UNC5C: variants seen among roughly 807,000 people sequenced by gnomAD.
UNC5C encodes the protein unc-5 netrin receptor C.
UNC5C carries 47 observed loss-of-function variants against 99.8 expected under a neutral mutation model. The ratio of observed to expected loss-of-function variants is 0.47; its 90% CI spans 0.37 to 0.60. The LOEUF (loss-of-function observed/expected upper bound fraction) is 0.60. Among genes scored for constraint, UNC5C ranks in the 20% least tolerant of loss-of-function variants. The probability of loss-of-function intolerance (pLI) is 0.00; values close to 1 mark genes in which losing one functional copy is unlikely to be tolerated. For missense variants in UNC5C, 1,062 were observed against 1,165.9 expected (o/e 0.91, Z 1.30); for synonymous variants, 487 against 452.2 (o/e 1.08, Z -0.98).
chr4:95,265,204 G>A (rs183199188), intron 4 of UNC5C, among the ~76,000 whole-genome samples: 6 of 152,222 alleles, frequency 3.9e-5, no homozygotes, highest in African/African-American at 1.2e-4. Flanking sequence ...CTCACAAATC[G>A]TTATCTTCAG....
intron 7 of UNC5C, among the ~76,000 whole-genome samples, chr4:95,236,327 G>GC (rs950191899): frequency 6.6e-6 from 1 of 151,418 alleles, no homozygotes; most frequent in African/African-American, 2.4e-5. Context: ...GCAAACTATC[G>GC]CAAGGACAAA....
chr4:95,350,059 A>G (rs1177092031), intron 1 of UNC5C, among the ~76,000 whole-genome samples: 1 of 152,180 alleles, frequency 6.6e-6, no homozygotes, highest in Non-Finnish European at 1.5e-5. Context: ...AAATTGGTCT[A>G]TTAGTCTAGT....
chr4:95,446,048 C>A (rs965773773), intron 1 of UNC5C, among the ~76,000 whole-genome samples: 7 of 151,840 alleles, frequency 4.6e-5, no homozygotes, highest in African/African-American at 1.7e-4. Context: ...TTATAAAGTA[C>A]CTAGAATAAA....
chr4:95,471,012 T>C (rs1276653107), intron 1 of UNC5C, among the ~76,000 whole-genome samples: 2 of 151,960 alleles, frequency 1.3e-5, no homozygotes, highest in African/African-American at 2.4e-5. Flanking sequence ...AATCCAAGGA[T>C]GGAAATCACT....
chr4:95,325,978 T>G lies in UNC5C; in HGVS notation c.346+9432A>C, dbSNP rs1742868365. On this transcript the variant is annotated intron_variant, in intron 2 of 15. Coordinates refer to ENST00000453304, the MANE Select transcript of UNC5C (RefSeq NM_003728.4). ...TGTGTTCAGTAGTTATGGTAAAATT[T>G]AGGGAGACACCAGGCGCAGGGCCAA... Among the ~76,000 whole-genome samples the G allele has an allele frequency of 2.0e-5, 3 of 152,200 alleles. No individual in the cohort carries two copies. In the East Asian group the frequency reaches 5.8e-4, roughly 29 times the overall value.
intron 3 of UNC5C, among the ~76,000 whole-genome samples, chr4:95,289,411 T>C (rs1252329605): frequency 6.6e-6 from 1 of 152,242 alleles, no homozygotes; most frequent in Non-Finnish European, 1.5e-5. Flanking sequence ...TATCTGCTGC[T>C]GGCCAGCTTA....
At chr4:95,371,866 C>T (rs367889093) in intron 1 of UNC5C, among the ~76,000 whole-genome samples, 56 of 152,242 alleles carry the variant, frequency 3.7e-4, no homozygotes, top group African/African-American at 1.3e-3. Context: ...TGCAATAACC[C>T]TTACTAACTT....
intron 1 of UNC5C, among the ~76,000 whole-genome samples, chr4:95,431,239 C>T (rs1746627460): frequency 6.6e-6 from 1 of 152,072 alleles, no homozygotes; most frequent in South Asian, 2.1e-4. Context: ...TGCTCACCCC[C>T]ATACCACTCT....
At chr4:95,258,743 A>ACTCTTTTTTTTTTTTTTTTTTT (rs1184674099) in intron 4 of UNC5C, among the ~76,000 whole-genome samples, 2 of 85,868 alleles carry the variant, frequency 2.3e-5, no homozygotes, top group African/African-American at 3.8e-5. Flanking sequence ...CGACCATCTT[A>ACTCTTTTTTTTTTTTTTTTTTT]TTCTTTTTTT....
At chr4:95,312,525 C>A (rs1047378698) in intron 2 of UNC5C, among the ~76,000 whole-genome samples, 9 of 152,114 alleles carry the variant, frequency 5.9e-5, no homozygotes, top group African/African-American at 1.7e-4. Flanking sequence ...GCATAACAAT[C>A]CTTGGGGATT....
rs534137520 is a variant in UNC5C at position 95,457,140 on chromosome 4, AAT to A, written c.124+91592_124+91593del. ...ACACATTAATATTTTATGTCAATAT[AAT>A]ATGTTATTCAATGTTGTTTTCTGAA... On this transcript the variant is annotated intron_variant, in intron 1 of 15. Transcript: ENST00000453304. Among the ~76,000 whole-genome samples the A allele has an allele frequency of 9.2e-5, 14 of 152,270 alleles. 1 individual carries two copies. In the South Asian group the frequency reaches 1.7e-3, roughly 18 times the overall value.
intron 12 of UNC5C, among the ~76,000 whole-genome samples, chr4:95,200,464 C>G (rs1386488667): frequency 1.3e-5 from 2 of 152,222 alleles, no homozygotes; most frequent in Non-Finnish European, 2.9e-5. Context: ...CCTGCTTTCT[C>G]CACTTAACAG....
intron 1 of UNC5C, among the ~76,000 whole-genome samples, chr4:95,462,214 T>C (rs1209207270): frequency 6.6e-6 from 1 of 152,186 alleles, no homozygotes. Context: ...GTTTGACATA[T>C]GTATGTGTAC....
intron 7 of UNC5C, 41 bp from the exon 8 acceptor site, chr4:95,220,217 A>C: frequency 1.3e-6 from 2 of 1,570,624 alleles, no homozygotes; most frequent in Non-Finnish European, 1.7e-6. Context: ...TGCTTATAGA[A>C]ATTTCCCACA....
At chr4:95,457,383 C>A (rs2149469607) in intron 1 of UNC5C, among the ~76,000 whole-genome samples, 1 of 152,126 alleles carries the variant, frequency 6.6e-6, no homozygotes, top group Non-Finnish European at 1.5e-5. Flanking sequence ...TGAACATTAA[C>A]CCCTTCCCTA....
chr4:95,388,068 T>A (rs1745259530), intron 1 of UNC5C, among the ~76,000 whole-genome samples: 1 of 152,100 alleles, frequency 6.6e-6, no homozygotes, highest in Non-Finnish European at 1.5e-5. Flanking sequence ...CTATAAACAT[T>A]AAACATGCCA....
intron 4 of UNC5C, among the ~76,000 whole-genome samples, chr4:95,266,945 CT>C (rs1740469777): frequency 6.6e-6 from 1 of 152,162 alleles, no homozygotes; most frequent in South Asian, 2.1e-4. Flanking sequence ...ATTCACTCCC[CT>C]CTCATCTTTA....
At chr4:95,417,982 G>T (rs1746216724) in intron 1 of UNC5C, among the ~76,000 whole-genome samples, 1 of 152,164 alleles carries the variant, frequency 6.6e-6, no homozygotes, top group Admixed American at 6.5e-5. Context: ...CAAAGAAAAT[G>T]ACTTACTGAT....
chr4:95,477,345 C>T (rs769010993), intron 1 of UNC5C, among the ~76,000 whole-genome samples: 3 of 151,992 alleles, frequency 2.0e-5, no homozygotes, highest in Non-Finnish European at 4.4e-5. Context: ...GAAATTGCAA[C>T]ACTGAAGAGA....
Sources: gnomAD v4.1 joint callset for allele counts (sites outside exome capture counted in the v4.1 genomes callset) on GRCh38, gnomAD v4.1.1 for gene constraint, MANE v1.5 for transcripts, NCBI Gene and HGNC (gene_info 2026-07-23, HGNC 2026-07-21) for gene names.